CELF2: variants seen among roughly 807,000 people sequenced by gnomAD.
CELF2 encodes the protein CUGBP Elav-like family member 2, also known as CUG triplet repeat RNA-binding protein 2.
A neutral mutation model predicts 62.6 loss-of-function variants in CELF2; 8 were observed. The ratio of observed to expected loss-of-function variants is 0.13; its 90% CI spans 0.07 to 0.23. The LOEUF (loss-of-function observed/expected upper bound fraction) is 0.23. Ranked by LOEUF, CELF2 falls within the 10% of genes least tolerant of loss-of-function variation. The pLI is 1.00. For missense variants in CELF2, 333 were observed against 671.0 expected (o/e 0.50, Z 5.56); for synonymous variants, 258 against 250.0 (o/e 1.03, Z -0.30).
chr10:10,934,400 C>G lies in CELF2; in HGVS notation c.89+14401C>G, dbSNP rs938177059. Reference sequence around the variant, plus strand: ...ACACAACAGATGCTCAAATATGCATCAAATGAACTCATGAGTAAATGGGAG... The same window carrying G: ...ACACAACAGATGCTCAAATATGCATGAAATGAACTCATGAGTAAATGGGAG... On this transcript the variant is annotated intron_variant, in intron 2 of 13. Coordinates refer to the CELF2 transcript ENST00000636488. This position sits in a 1 kb window ranked among gnomAD's most constrained non-coding sequence, Gnocchi z 4.4. 3 of 152,154 alleles carry G rather than the reference C, an allele frequency of 2.0e-5. No homozygotes were observed. Among genetic ancestry groups the G allele is most frequent in the Non-Finnish European group, 4.4e-5 (3 of 68,030 alleles). The allele number at this position is 152,154 out of a possible 1,614,324, so 9.4% of individuals were successfully genotyped here. A position where few individuals can be genotyped will look rare whatever the true frequency, so the allele number is the denominator to read the frequency against.
chr10:10,891,066 G>A (rs567475744), intron 1 of CELF2, among the ~76,000 whole-genome samples: 5 of 152,146 alleles, frequency 3.3e-5, no homozygotes, highest in South Asian at 2.1e-4. Context: ...AGCCTAGTAG[G>A]GAAGCTGAAT....
rs75462652 is a variant in CELF2 at position 11,296,441 on chromosome 10, C to T, written c.976+7889C>T. 0.11 allele frequency among the ~76,000 whole-genome samples: 17,138 copies of T among 152,062 alleles called. 1,014 individuals are homozygous for T. The highest frequency in any genetic ancestry group is 0.2 in the Middle Eastern group (60 of 294). On this transcript the variant is annotated intron_variant, in intron 9 of 12. Transcript: ENST00000633077. This position sits in a 1 kb window ranked among gnomAD's most constrained non-coding sequence, Gnocchi z 5.0. ...TCACAGAAATTTTTATTTCTGTGAT[C>T]TTGTATGATACAAACATGTTATCAC...
chr10:10,908,801 G>A (rs2063562453), intron 1 of CELF2, among the ~76,000 whole-genome samples: 1 of 151,974 alleles, frequency 6.6e-6, no homozygotes, highest in Admixed American at 6.6e-5. Context: ...TGTTTGTTTT[G>A]TTTTGAGATG....
At chr10:10,756,480 T>C in the CELF2 span, among the ~76,000 whole-genome samples, 2 of 152,220 alleles carry the variant, frequency 1.3e-5, no homozygotes, top group Admixed American at 6.5e-5. Context: ...AAAATAAAAC[T>C]GCATTAAATG....
chr10:10,754,050 A>G, the CELF2 span, among the ~76,000 whole-genome samples: 1 of 138,232 alleles, frequency 7.2e-6, no homozygotes, highest in Non-Finnish European at 1.5e-5. Flanking sequence ...AGATTTGTAC[A>G]TGCTGAGGTG....
the CELF2 span, among the ~76,000 whole-genome samples, chr10:10,545,861 G>A: frequency 6.6e-6 from 1 of 152,156 alleles, no homozygotes; most frequent in Admixed American, 6.6e-5. Context: ...TGTGAGTTCT[G>A]GCAGAAGCAA....
chr10:11,162,008 G>T (rs11257000), intron 1 of CELF2, among the ~76,000 whole-genome samples: 4,070 of 152,308 alleles, frequency 0.027, 78 homozygotes, highest in South Asian at 0.05. Flanking sequence ...CAGGGAGAGA[G>T]TTGGGAGTCC....
the CELF2 span, among the ~76,000 whole-genome samples, chr10:10,583,325 T>C: frequency 6.6e-6 from 1 of 152,194 alleles, no homozygotes; most frequent in Non-Finnish European, 1.5e-5. Context: ...GGGCATTTTC[T>C]AGTTACTCAT....
At chr10:10,719,313 T>C in the CELF2 span, among the ~76,000 whole-genome samples, 5 of 152,088 alleles carry the variant, frequency 3.3e-5, no homozygotes, top group South Asian at 1.0e-3. Context: ...AGCTGGAGTA[T>C]AGTGGCGCAA....
the CELF2 span, among the ~76,000 whole-genome samples, chr10:10,669,329 T>C: frequency 6.6e-6 from 1 of 152,220 alleles, no homozygotes; most frequent in Non-Finnish European, 1.5e-5. Context: ...CCTAGTCAAA[T>C]AAAATGTTTT....
At position 10,936,414 on chromosome 10, in the gene CELF2, A is replaced by T. The variant is rs79527375; in HGVS notation, c.89+16415A>T. Among the ~76,000 whole-genome samples the T allele has an allele frequency of 0.013, 1,927 of 152,296 alleles. 40 individuals carry two copies. Among genetic ancestry groups the T allele is most frequent in the African/African-American group, 0.042 (1,734 of 41,558 alleles). ...TAGAATCCTAGAACCTTAGAGCTCC[A>T]TGGAACCTGTTTTGCATCGTCTCCT... On this transcript the variant is annotated intron_variant, in intron 2 of 13. Transcript: ENST00000636488. The surrounding 1 kb of genome is among the most constrained non-coding windows in gnomAD (Gnocchi z 4.0).
chr10:10,481,506 C>A, the CELF2 span, among the ~76,000 whole-genome samples: 2 of 152,136 alleles, frequency 1.3e-5, no homozygotes, highest in Non-Finnish European at 2.9e-5. Context: ...AACTCCAAAT[C>A]TCAGGTAATC....
chr10:11,257,575 G>A (rs2079190661), intron 4 of CELF2, 163 bp from the exon 5 acceptor site: 4 of 636,526 alleles, frequency 6.3e-6, no homozygotes, highest in Non-Finnish European at 1.1e-5. Flanking sequence ...TGGCAGGGTG[G>A]GGCGCATGGA....
At chr10:10,618,897 C>T in the CELF2 span, among the ~76,000 whole-genome samples, 1 of 152,084 alleles carries the variant, frequency 6.6e-6, no homozygotes, top group African/African-American at 2.4e-5. Flanking sequence ...GAGGAGATAG[C>T]ATCTGATTTA....
chr10:11,282,225 T>C (rs1375190761), intron 8 of CELF2, among the ~76,000 whole-genome samples: 1 of 152,006 alleles, frequency 6.6e-6, no homozygotes, highest in African/African-American at 2.4e-5. Flanking sequence ...AGGAAATGGA[T>C]ACCAATGCAC....
rs1014428719 is a variant in CELF2 at position 11,269,662 on chromosome 10, G to A, written c.619-1004G>A. Among the ~76,000 whole-genome samples the A allele has an allele frequency of 6.0e-5, 9 of 150,068 alleles. No homozygotes were observed. The East Asian group carries it at 1.9e-3, about 32-fold the overall frequency. ...GCAAGCCACACAAAGGAGGAGAAGA[G>A]GCTGGGGAAGGAGGGGGAGACTTCT... On this transcript the variant is annotated intron_variant, in intron 6 of 12. Transcript: ENST00000633077. The surrounding 1 kb of genome is among the most constrained non-coding windows in gnomAD (Gnocchi z 4.4).
At chr10:11,276,927 A>G (rs1392273875) in intron 8 of CELF2, among the ~76,000 whole-genome samples, 1 of 152,240 alleles carries the variant, frequency 6.6e-6, no homozygotes, top group Non-Finnish European at 1.5e-5. Context: ...GCTAATTTAA[A>G]GGCAATCTGT....
chr10:11,308,595 A>T (rs1240563043), intron 9 of CELF2, among the ~76,000 whole-genome samples: 1 of 152,188 alleles, frequency 6.6e-6, no homozygotes, highest in Non-Finnish European at 1.5e-5. Context: ...CATTTTTTTA[A>T]ATCAGGACAC....
chr10:11,196,860 G>T (rs915484072), intron 2 of CELF2, among the ~76,000 whole-genome samples: 1 of 151,328 alleles, frequency 6.6e-6, no homozygotes, highest in African/African-American at 2.4e-5. Flanking sequence ...TCATGGGGCT[G>T]AGGCAGGAGA....
Sources: gnomAD v4.1 joint callset for allele counts (sites outside exome capture counted in the v4.1 genomes callset) on GRCh38, gnomAD v4.1.1 for gene constraint, Gnocchi (gnomAD v3.1) non-coding constraint, MANE v1.5 for transcripts, NCBI Gene and HGNC (gene_info 2026-07-23, HGNC 2026-07-21) for gene names.